ARHGAP32: variants seen among roughly 807,000 people sequenced by gnomAD.
The protein encoded by ARHGAP32 is Rho GTPase activating protein 32, also known as rho GTPase-activating protein 32.
Under a neutral mutation model 186.5 loss-of-function variants are expected in ARHGAP32, and 51 were observed. The observed-to-expected ratio is 0.27, with a 90% CI of 0.22 to 0.35. The LOEUF (loss-of-function observed/expected upper bound fraction) is 0.35, where lower values mean the gene tolerates loss of function less well. Among genes scored for constraint, ARHGAP32 ranks in the 10% least tolerant of loss-of-function variants. The pLI is 1.00. For synonymous variants in ARHGAP32, 950 were observed against 964.3 expected, an observed-to-expected ratio of 0.99 and a Z score of 0.27; for missense variants, 2,186 against 2,623.5, an observed-to-expected ratio of 0.83 and a Z score of 3.64.
At chr11:128,994,553 A>T (rs917929379) in intron 12 of ARHGAP32, among the ~76,000 whole-genome samples, 16 of 152,022 alleles carry the variant, frequency 1.1e-4, no homozygotes, top group Admixed American at 4.6e-4. Context: ...CCCTAGGCTC[A>T]GGTGCTCTTC....
rs757607884 is a variant in ARHGAP32, at chr11:128,973,031, C to A, written c.3475G>T (p.Val1159Leu). Reference protein sequence around the residue: ...TTESGEQHHQVDLTGNQPHQA... With the variant: ...TTESGEQHHQLDLTGNQPHQA... ...TGTGGCTGATTCCCTGTTAAGTCTA[C>A]TTGGTGATGTTGCTCCCCAGATTCA... The change falls in exon 22 of 23, where the codon GTA becomes TTA. Residue 1159 changes from valine (V) to leucine (L), a missense_variant. Around this residue, in one of 5 missense-constraint regions of ARHGAP32, gnomAD observed 1,502 missense variants for 1,570.0 expected, o/e 0.96. Coordinates refer to ENST00000682385, the MANE Select transcript of ARHGAP32 (RefSeq NM_001378024.1). The A allele has an allele frequency of 3.1e-6, 5 of 1,614,154 alleles. No homozygotes were observed. In the Admixed American group the frequency reaches 8.3e-5, roughly 27 times the overall value.
intron 6 of ARHGAP32, among the ~76,000 whole-genome samples, chr11:129,073,328 A>ATTCCC (rs1940929991): frequency 6.6e-6 from 1 of 152,234 alleles, no homozygotes; most frequent in South Asian, 2.1e-4. Flanking sequence ...GAACATGATT[A>ATTCCC]ATCTGCTAAA....
At chr11:129,185,647 A>G (rs568116763) in intron 1 of ARHGAP32, among the ~76,000 whole-genome samples, 2 of 152,186 alleles carry the variant, frequency 1.3e-5, no homozygotes, top group Non-Finnish European at 2.9e-5. Flanking sequence ...ATGAAAAGCA[A>G]AAAACATTAA....
chr11:129,145,748 T>C (rs607572), intron 2 of ARHGAP32, among the ~76,000 whole-genome samples: 19,500 of 152,136 alleles, frequency 0.13, 1,396 homozygotes, highest in Non-Finnish European at 0.16. Context: ...TTTTGACCTA[T>C]AAAATTATCA....
chr11:129,164,468 ATTCTATGAAAGCC>A (rs1943593148), intron 1 of ARHGAP32, 41 bp from the exon 2 acceptor site: 1 of 1,171,870 alleles, frequency 8.5e-7, no homozygotes, highest in South Asian at 1.4e-5. Context: ...AGAATTTCCA[ATTCTATGAAAGCC>A]TTCCAATGAT....
intron 15 of ARHGAP32, 45 bp downstream of exon 15, chr11:128,985,958 C>T: frequency 6.8e-7 from 1 of 1,475,188 alleles, no homozygotes; most frequent in South Asian, 1.3e-5. Flanking sequence ...GTTTACAGGT[C>T]AACCGACTTC....
At chr11:129,170,548 T>C (rs1281555886) in intron 1 of ARHGAP32, among the ~76,000 whole-genome samples, 2 of 152,204 alleles carry the variant, frequency 1.3e-5, no homozygotes, top group Non-Finnish European at 2.9e-5. Flanking sequence ...CCATGGTGCA[T>C]ATGTACCACA....
intron 18 of ARHGAP32, 84 bp from the exon 19 acceptor site, chr11:128,978,999 A>C (rs1451151219): frequency 8.0e-7 from 1 of 1,248,590 alleles, no homozygotes; most frequent in Non-Finnish European, 1.1e-6. Flanking sequence ...CATGACAGAA[A>C]GAACCAAACA....
intron 14 of ARHGAP32, 124 bp from the exon 15 acceptor site, chr11:128,986,209 A>T (rs1945868464): frequency 5.3e-6 from 4 of 761,670 alleles, no homozygotes; most frequent in Non-Finnish European, 8.7e-6. Flanking sequence ...TGGCGAGGAA[A>T]CACAACATTG....
intron 1 of ARHGAP32, among the ~76,000 whole-genome samples, chr11:129,172,272 T>G (rs959148212): frequency 6.6e-6 from 1 of 152,224 alleles, no homozygotes; most frequent in Non-Finnish European, 1.5e-5. Context: ...TGTTTCCATC[T>G]TTTCTCCATT....
At chr11:129,024,238 C>G (rs1197564778) in intron 11 of ARHGAP32, 1 of 923,446 alleles carries the variant, frequency 1.1e-6, no homozygotes, top group East Asian at 1.2e-4. Context: ...ACTTGCAGAA[C>G]AGGCTTCACC....
chr11:128,968,959 A>G lies in ARHGAP32; in HGVS notation c.6254T>C (p.Leu2085Pro). The G allele has an allele frequency of 6.4e-7, 1 of 1,568,874 alleles. No homozygotes were observed. The highest frequency in any genetic ancestry group is 2.3e-5 in the East Asian group (1 of 44,072). ...ATGCTGCAAGGACAACTCTGCGGGC[A>G]GGAAGGCCCCTTGACCCAACGCTGT... Reference protein sequence around the residue: ...YATALGQGAFLPAELSLQHPE... With the variant: ...YATALGQGAFPPAELSLQHPE... Residue 2085 changes from leucine to proline, a missense_variant, in exon 23 of 23, where the codon CTG becomes CCG. Leu to Pro is a moderately conservative substitution (Grantham distance 98). Around this residue, in one of 5 missense-constraint regions of ARHGAP32, gnomAD observed 1,502 missense variants for 1,570.0 expected, o/e 0.96. Transcript: ENST00000682385.
chr11:129,249,322 T>C (rs554198887), intron 1 of ARHGAP32, among the ~76,000 whole-genome samples: 95 of 152,156 alleles, frequency 6.2e-4, no homozygotes, highest in African/African-American at 2.1e-3. Flanking sequence ...CTCATACATA[T>C]ATATATATAC....
chr11:129,210,615 C>T (rs1371493264), intron 1 of ARHGAP32, among the ~76,000 whole-genome samples: 1 of 152,176 alleles, frequency 6.6e-6, no homozygotes, highest in Non-Finnish European at 1.5e-5. Context: ...CTCTCAAATA[C>T]TTCCAAAAAC....
chr11:129,049,362 T>C (rs1446397073), intron 10 of ARHGAP32, among the ~76,000 whole-genome samples: 2 of 152,230 alleles, frequency 1.3e-5, no homozygotes, highest in African/African-American at 2.4e-5. Context: ...AGAATGCTCC[T>C]GCAGTTTTTG....
chr11:129,138,546 G>A (rs1362725805), intron 2 of ARHGAP32, among the ~76,000 whole-genome samples: 3 of 152,000 alleles, frequency 2.0e-5, no homozygotes, highest in Non-Finnish European at 4.4e-5. Context: ...ACCCTTTAAA[G>A]AATCTTTCAA....
intron 8 of ARHGAP32, 138 bp from the exon 9 acceptor site, chr11:129,064,162 G>A (rs760196995): frequency 1.4e-6 from 1 of 712,530 alleles, no homozygotes; most frequent in Non-Finnish European, 2.1e-6. Flanking sequence ...ACCATTTACT[G>A]GGTAGTAAAA....
chr11:129,108,524 C>T (rs1446048348), intron 5 of ARHGAP32, among the ~76,000 whole-genome samples: 2 of 152,064 alleles, frequency 1.3e-5, no homozygotes, highest in Non-Finnish European at 2.9e-5. Flanking sequence ...GGCAGTTCTA[C>T]AAAAGCACTA....
intron 11 of ARHGAP32, among the ~76,000 whole-genome samples, chr11:129,011,728 T>C (rs1030972883): frequency 2.0e-5 from 3 of 152,208 alleles, no homozygotes; most frequent in African/African-American, 2.4e-5. Context: ...GAATAAATTA[T>C]GGTACATCTG....
Sources: gnomAD v4.1 joint callset for allele counts (sites outside exome capture counted in the v4.1 genomes callset) on GRCh38, gnomAD v4.1.1 for gene constraint, gnomAD v4.1.1 regional missense constraint, MANE v1.5 for transcripts, NCBI Gene and HGNC (gene_info 2026-07-23, HGNC 2026-07-21) for gene names.